The following EIF4EBP1 variants were observed in gnomAD, a reference collection of about 807,000 sequenced individuals.
EIF4EBP1 encodes eukaryotic translation initiation factor 4E binding protein 1.
EIF4EBP1 carries 5 observed loss-of-function variants against 9.2 expected under a neutral mutation model. That is an observed-to-expected ratio of 0.54 (90% CI 0.28 to 1.14). EIF4EBP1 has a LOEUF of 1.14. Among genes scored for constraint, EIF4EBP1 ranks in the 50% most tolerant of loss-of-function variants. EIF4EBP1 has a pLI of 0.09. For missense variants in EIF4EBP1, 139 were observed against 169.6 expected, an observed-to-expected ratio of 0.82 and a Z score of 1.00; for synonymous variants, 62 against 67.0, an observed-to-expected ratio of 0.93 and a Z score of 0.36.
intron 1 of EIF4EBP1, among the ~76,000 whole-genome samples, chr8:38,031,364 A>T (rs1197320183): frequency 6.6e-6 from 1 of 152,096 alleles, no homozygotes; most frequent in Non-Finnish European, 1.5e-5. Flanking sequence ...AGGAGGAGGC[A>T]CCGTGTGACC....
intron 1 of EIF4EBP1, among the ~76,000 whole-genome samples, chr8:38,048,149 G>A (rs1809470179): frequency 6.6e-6 from 1 of 152,014 alleles, no homozygotes; most frequent in Non-Finnish European, 1.5e-5. Flanking sequence ...ACACTTGCCT[G>A]TAGTCCCAGC....
At chr8:38,052,385 C>T (rs935007755) in intron 1 of EIF4EBP1, among the ~76,000 whole-genome samples, 3 of 146,264 alleles carry the variant, frequency 2.1e-5, no homozygotes, top group Non-Finnish European at 2.9e-5. Flanking sequence ...CTCAGCCTCC[C>T]GCGTAGCTAG....
At chr8:38,036,721 C>A (rs544969930) in intron 1 of EIF4EBP1, among the ~76,000 whole-genome samples, 1 of 151,810 alleles carries the variant, frequency 6.6e-6, no homozygotes, top group South Asian at 2.1e-4. Context: ...GGCTGGAGTG[C>A]AGTTGCAGCC....
intron 1 of EIF4EBP1, among the ~76,000 whole-genome samples, chr8:38,039,847 CT>C (rs1809352745): frequency 6.6e-6 from 1 of 152,000 alleles, no homozygotes; most frequent in Non-Finnish European, 1.5e-5. Context: ...GTGGATGTGA[CT>C]TTTTTTCTTT....
rs550897798 is a variant in EIF4EBP1, at chr8:38,056,954, C to T, written c.146-127C>T. 2.7e-5 allele frequency: 26 copies of T among 968,288 alleles called. No individual in the cohort carries two copies. In the African/African-American group the frequency reaches 3.7e-4, roughly 14 times the overall value. The allele number at this position is 968,288 out of a possible 1,614,324, so 60.0% of individuals were successfully genotyped here. ...CTGGGATTATGGGCATGAGCCACCG[C>T]ACCCAGCCTCCTCTGGGTTTTTCAG... On this transcript the variant is annotated intron_variant, in intron 1 of 2. Coordinates refer to ENST00000338825, the MANE Select transcript of EIF4EBP1 (RefSeq NM_004095.4).
At chr8:38,031,543 TCTC>T (rs1330034693) in intron 1 of EIF4EBP1, among the ~76,000 whole-genome samples, 2 of 152,126 alleles carry the variant, frequency 1.3e-5, no homozygotes, top group Non-Finnish European at 2.9e-5. Context: ...CTCGTGGCTC[TCTC>T]CTCCCCTCTC....
At position 38,059,371 on chromosome 8, in the gene EIF4EBP1, T is replaced by G. The variant is rs1809638099; in HGVS notation, c.326-533T>G. On this transcript the variant is annotated intron_variant, in intron 2 of 2. Coordinates refer to ENST00000338825, the MANE Select transcript of EIF4EBP1 (RefSeq NM_004095.4). Reference sequence around the variant, plus strand: ...CCTGCTCCCGCTTTGCTTTCCACCATGACGAAAAGCCCCCTGAGGCCTCCC... The same window carrying G: ...CCTGCTCCCGCTTTGCTTTCCACCAGGACGAAAAGCCCCCTGAGGCCTCCC... Among the ~76,000 whole-genome samples the G allele has an allele frequency of 2.6e-5, 4 of 152,286 alleles. No homozygotes were observed. In the South Asian group the frequency reaches 8.3e-4, roughly 32 times the overall value.
Position 38,059,888 on chromosome 8 carries a change from T to A in EIF4EBP1, c.326-16T>A, listed in dbSNP as rs1019369446. 1.9e-6 allele frequency: 3 copies of A among 1,613,686 alleles called. No homozygotes were observed. Among genetic ancestry groups the A allele is most frequent in the Non-Finnish European group, 2.5e-6 (3 of 1,179,702 alleles). ...CACCCATTGTTGACCTGGCCCTCTG[T>A]CCCCTCTCTCCCCAGGTGAAGAGTC... is the stretch of plus-strand genomic sequence containing the variant. On this transcript the variant is annotated splice_polypyrimidine_tract_variant and intron_variant, in intron 2 of 2. Coordinates refer to ENST00000338825, the MANE Select transcript of EIF4EBP1 (RefSeq NM_004095.4).
chr8:38,038,344 T>C (rs1809331415), intron 1 of EIF4EBP1, among the ~76,000 whole-genome samples: 1 of 151,100 alleles, frequency 6.6e-6, no homozygotes, highest in Non-Finnish European at 1.5e-5. Context: ...CCGTCTCTAC[T>C]AAAAGTACAA....
At chr8:38,031,594 C>T (rs1001131364) in intron 1 of EIF4EBP1, among the ~76,000 whole-genome samples, 1 of 152,196 alleles carries the variant, frequency 6.6e-6, no homozygotes, top group Non-Finnish European at 1.5e-5. Flanking sequence ...GCTCCTCTCC[C>T]TTCATTCTCC....
chr8:38,042,498 C>G (rs545491305), intron 1 of EIF4EBP1, among the ~76,000 whole-genome samples: 2 of 152,210 alleles, frequency 1.3e-5, no homozygotes, highest in Non-Finnish European at 2.9e-5. Context: ...TGAATTATCT[C>G]CTAGTTCTGG....
At chr8:38,051,601 T>C (rs114799149) in intron 1 of EIF4EBP1, among the ~76,000 whole-genome samples, 1 of 151,774 alleles carries the variant, frequency 6.6e-6, no homozygotes, top group Non-Finnish European at 1.5e-5. Flanking sequence ...TTATTTATAT[T>C]TTTTTTTATT....
intron 2 of EIF4EBP1, 136 bp from the exon 3 acceptor site, chr8:38,059,761 AAAAAAAC>A: frequency 1.2e-6 from 1 of 837,450 alleles, no homozygotes; most frequent in East Asian, 2.7e-5. Context: ...ATCTCAAAAA[AAAAAAAC>A]AAAAAAACAA....
chr8:38,033,347 C>A (rs1018174301), intron 1 of EIF4EBP1, among the ~76,000 whole-genome samples: 2 of 151,942 alleles, frequency 1.3e-5, no homozygotes, highest in Non-Finnish European at 2.9e-5. Context: ...GGATTACAGG[C>A]GTGAGTCACC....
chr8:38,057,844 A>G (rs988280051), intron 2 of EIF4EBP1, among the ~76,000 whole-genome samples: 1 of 152,198 alleles, frequency 6.6e-6, no homozygotes, highest in African/African-American at 2.4e-5. Flanking sequence ...CCGAGTAATT[A>G]GAGCAGCCAC....
intron 1 of EIF4EBP1, among the ~76,000 whole-genome samples, chr8:38,052,292 G>T (rs1027745186): frequency 6.6e-6 from 1 of 150,942 alleles, no homozygotes; most frequent in Non-Finnish European, 1.5e-5. Flanking sequence ...ACAGGGTCTC[G>T]CTCTGTCTCC....
intron 1 of EIF4EBP1, among the ~76,000 whole-genome samples, chr8:38,046,492 G>T (rs1809451454): frequency 6.6e-6 from 1 of 152,162 alleles, no homozygotes; most frequent in Non-Finnish European, 1.5e-5. Context: ...TCTCTCCTGA[G>T]TTGCTTACCT....
chr8:38,044,809 G>A, intron 1 of EIF4EBP1, among the ~76,000 whole-genome samples: 1 of 152,182 alleles, frequency 6.6e-6, no homozygotes. Flanking sequence ...GCTGTGAGGG[G>A]ACAGCCTTTC....
intron 2 of EIF4EBP1, 48 bp from the exon 3 acceptor site, chr8:38,059,856 A>G: frequency 1.3e-6 from 2 of 1,562,778 alleles, no homozygotes; most frequent in Non-Finnish European, 1.8e-6. Flanking sequence ...CTCATATACC[A>G]AGCATTCACC....
Sources: gnomAD v4.1 joint callset for allele counts (sites outside exome capture counted in the v4.1 genomes callset) on GRCh38, gnomAD v4.1.1 for gene constraint, MANE v1.5 for transcripts, NCBI Gene and HGNC (gene_info 2026-07-23, HGNC 2026-07-21) for gene names.